The following ALKBH8 variants were observed in gnomAD, a reference collection of about 807,000 sequenced individuals.
The protein encoded by ALKBH8 is alkB homolog 8, tRNA methyltransferase.
A neutral mutation model predicts 59.8 loss-of-function variants in ALKBH8; 36 were observed. That is an observed-to-expected ratio of 0.60 (90% CI 0.46 to 0.79). ALKBH8 has a LOEUF of 0.79. Ranked by LOEUF, ALKBH8 falls within the 30% of genes least tolerant of loss-of-function variation. The pLI is 0.00. For synonymous variants in ALKBH8, 276 were observed against 273.6 expected (o/e 1.01, Z -0.09); for missense variants, 768 against 801.0 (o/e 0.96, Z 0.50).
At chr11:107,510,019 G>A (rs1862556562) in intron 11 of ALKBH8, among the ~76,000 whole-genome samples, 1 of 152,170 alleles carries the variant, frequency 6.6e-6, no homozygotes, top group Non-Finnish European at 1.5e-5. Context: ...TCCTCTATTT[G>A]CAGTCATGCC....
intron 9 of ALKBH8, among the ~76,000 whole-genome samples, chr11:107,524,093 T>C (rs1284442251): frequency 1.3e-5 from 2 of 152,142 alleles, no homozygotes; most frequent in African/African-American, 2.4e-5. Context: ...GGTCTTGCTC[T>C]GTCACCCAGG....
intron 7 of ALKBH8, among the ~76,000 whole-genome samples, chr11:107,538,614 C>T (rs1380413291): frequency 2.0e-5 from 3 of 152,190 alleles, no homozygotes; most frequent in South Asian, 2.1e-4. Flanking sequence ...ACATTCTCAT[C>T]TTATACAACT....
intron 7 of ALKBH8, among the ~76,000 whole-genome samples, chr11:107,538,887 G>T (rs570494134): frequency 6.6e-6 from 1 of 152,158 alleles, no homozygotes; most frequent in Non-Finnish European, 1.5e-5. Context: ...CTGGACAGGG[G>T]ACAATATGAT....
At chr11:107,507,952 T>C (rs1354278227) in intron 11 of ALKBH8, among the ~76,000 whole-genome samples, 1 of 152,192 alleles carries the variant, frequency 6.6e-6, no homozygotes, top group Non-Finnish European at 1.5e-5. Flanking sequence ...GGCATTTATT[T>C]CATCAAGGTA....
At chr11:107,557,647 A>C (rs1864772192) in intron 2 of ALKBH8, among the ~76,000 whole-genome samples, 1 of 152,228 alleles carries the variant, frequency 6.6e-6, no homozygotes, top group African/African-American at 2.4e-5. Context: ...AATTAGGAAA[A>C]AATTTTCCTC....
rs372809242 is a variant in ALKBH8 at position 107,525,475 on chromosome 11, T to C, written c.996A>G (p.Thr332=). Residue 332 remains threonine (T), a synonymous_variant, in exon 9 of 12, where the codon ACA becomes ACG. Transcript: ENST00000428149. ...LSKRGLRTSF[T]FRKVRQTPCN... is the part of the protein sequence containing the mutation. ...AAGGTGTTTGCCTCACTTTCCTAAA[T>C]GTAAATGATGTTCGTAGTCCCCTCT... 1.3e-6 allele frequency: 2 copies of C among 1,545,108 alleles called. No individual in the cohort carries two copies.
rs1395553014 is a variant in ALKBH8, at chr11:107,523,065, AAT to A, written c.1031-512_1031-511del. ...CTGCCTTGCTCAAAAAAAAAAAAAAAATTAAAAATAAGTACTATCTTATAAAC... is the reference window on the plus strand; with the variant it reads ...CTGCCTTGCTCAAAAAAAAAAAAAAATAAAAATAAGTACTATCTTATAAAC... On this transcript the variant is annotated intron_variant, in intron 9 of 11. Coordinates refer to ENST00000428149, the MANE Select transcript of ALKBH8 (RefSeq NM_138775.3). 1.1e-3 allele frequency among the ~76,000 whole-genome samples: 142 copies of A among 132,736 alleles called. 2 individuals are homozygous for A. Among genetic ancestry groups the A allele is most frequent in the Middle Eastern group, 3.9e-3 (1 of 256 alleles). The allele number at this position is 132,736 out of a possible 152,430, so 87.1% of individuals were successfully genotyped here.
At chr11:107,564,835 C>A (rs1426042555) in intron 1 of ALKBH8, among the ~76,000 whole-genome samples, 1 of 152,060 alleles carries the variant, frequency 6.6e-6, no homozygotes, top group Non-Finnish European at 1.5e-5. Context: ...TATTGTTCAC[C>A]CTGTAGCACC....
chr11:107,541,441 A>C (rs987824966), intron 7 of ALKBH8, among the ~76,000 whole-genome samples: 1 of 152,228 alleles, frequency 6.6e-6, no homozygotes. Context: ...AGGATCTGAA[A>C]CCAATACACA....
intron 7 of ALKBH8, among the ~76,000 whole-genome samples, chr11:107,543,171 T>C (rs1045953723): frequency 6.6e-5 from 10 of 152,084 alleles, no homozygotes; most frequent in African/African-American, 2.4e-4. Flanking sequence ...ACCCTGTCTC[T>C]ACTAAAAATA....
rs1303148963 is a variant in ALKBH8 at position 107,510,741 on chromosome 11, C to T, written c.1437+146G>A. On this transcript the variant is annotated intron_variant, in intron 11 of 11. Coordinates refer to ENST00000428149, the MANE Select transcript of ALKBH8 (RefSeq NM_138775.3). ...CAGTTGCCCATCTTTATTCTGCATGCTCTCTTACAAAGAGGGAAAACTGTG... is the reference window on the plus strand; with the variant it reads ...CAGTTGCCCATCTTTATTCTGCATGTTCTCTTACAAAGAGGGAAAACTGTG... 4.7e-6 allele frequency: 4 copies of T among 846,154 alleles called. No homozygotes were observed. The South Asian group carries it at 5.6e-5, about 12-fold the overall frequency. The allele number at this position is 846,154 out of a possible 1,614,324, so 52.4% of individuals were successfully genotyped here.
At chr11:107,531,474 A>C (rs1863590305) in intron 8 of ALKBH8, among the ~76,000 whole-genome samples, 1 of 152,246 alleles carries the variant, frequency 6.6e-6, no homozygotes, top group Admixed American at 6.5e-5. Flanking sequence ...TGTTATTAAG[A>C]GCAAAGGAAA....
At chr11:107,522,259 C>A (rs1863144372) in intron 10 of ALKBH8, 40 bp downstream of exon 10, 1 of 1,544,974 alleles carries the variant, frequency 6.5e-7, no homozygotes, top group Non-Finnish European at 8.7e-7. Flanking sequence ...ATAACCACTG[C>A]AAATTAAGCA....
At chr11:107,564,804 A>G (rs1200851037) in intron 1 of ALKBH8, among the ~76,000 whole-genome samples, 1 of 152,162 alleles carries the variant, frequency 6.6e-6, no homozygotes, top group Non-Finnish European at 1.5e-5. Context: ...CACTCACTCC[A>G]TGAAGTAGAG....
At chr11:107,528,940 G>T (rs1437785504) in intron 8 of ALKBH8, among the ~76,000 whole-genome samples, 1 of 152,172 alleles carries the variant, frequency 6.6e-6, no homozygotes, top group Non-Finnish European at 1.5e-5. Context: ...TCAAGTTTAT[G>T]TAGTCAGGAA....
intron 11 of ALKBH8, among the ~76,000 whole-genome samples, chr11:107,507,286 C>G (rs573389036): frequency 6.6e-6 from 1 of 152,146 alleles, no homozygotes; most frequent in Non-Finnish European, 1.5e-5. Context: ...ATTGTACACC[C>G]AAGTAGCCCA....
rs78738648 is a variant in ALKBH8, at chr11:107,529,144, C to T, written c.878+3156G>A. 6.3e-3 allele frequency among the ~76,000 whole-genome samples: 966 copies of T among 152,286 alleles called. 4 individuals carry two copies. The highest frequency in any genetic ancestry group is 0.011 in the Non-Finnish European group (740 of 68,012). ...ATCCTGGCTCTGCGACTTACTGCTT[C>T]GTGACTTTGTACAAGTTACTTAACT... On this transcript the variant is annotated intron_variant, in intron 8 of 11. Coordinates refer to ENST00000428149, the MANE Select transcript of ALKBH8 (RefSeq NM_138775.3).
At chr11:107,562,077 C>A (rs1864958450) in intron 1 of ALKBH8, among the ~76,000 whole-genome samples, 2 of 152,032 alleles carry the variant, frequency 1.3e-5, no homozygotes, top group Non-Finnish European at 2.9e-5. Flanking sequence ...GCAGGCAGAT[C>A]ACTTGAGGTC....
At position 107,551,883 on chromosome 11, in the gene ALKBH8, C is replaced by A; in HGVS notation, c.625G>T (p.Glu209Ter). The A allele has an allele frequency of 6.5e-7, 1 of 1,543,384 alleles. No individual in the cohort carries two copies. The highest frequency in any genetic ancestry group is 8.7e-7 in the Non-Finnish European group (1 of 1,150,332). ...ATGTAACCTTTCCTCAACCATTTCT[C>A]CAAAAAGCTTTCACAAATGTCAGGA... is the stretch of plus-strand genomic sequence containing the variant. The part of the protein sequence containing the change: ...GLPDICESFL[E>*]KWLRKGYIKH... Residue 209 changes from glutamate (E) to a stop codon, truncating the protein, a stop_gained, in exon 6 of 12, where the codon GAG becomes TAG. Transcript: ENST00000428149. LOFTEE classifies it high-confidence loss of function.
Sources: allele counts gnomAD v4.1 joint callset (sites outside exome capture counted in the v4.1 genomes callset), GRCh38; gene constraint gnomAD v4.1.1; transcripts MANE v1.5; gene names NCBI Gene and HGNC (gene_info 2026-07-23, HGNC 2026-07-21).